Variants in CASK observed in about 807,000 individuals in gnomAD.
The protein encoded by CASK is peripheral plasma membrane protein CASK.
CASK carries 4 observed loss-of-function variants against 82.9 expected under a neutral mutation model. The observed-to-expected ratio is 0.05, with a 90% CI of 0.02 to 0.11. CASK has a LOEUF of 0.11. CASK is among the 10% of genes least tolerant of loss of function. The pLI, the probability that CASK is intolerant of heterozygous loss-of-function variation, is 1.00. For missense variants in CASK, 358 were observed against 720.9 expected, an observed-to-expected ratio of 0.50 and a Z score of 5.76; for synonymous variants, 259 against 253.5, an observed-to-expected ratio of 1.02 and a Z score of -0.20.
chrX:41,705,888 C>T (rs2067877642), intron 5 of CASK, among the ~76,000 whole-genome samples: 1 of 110,962 alleles, frequency 9.0e-6, no homozygotes, highest in Non-Finnish European at 1.9e-5. Context: ...TCTAGCACCC[C>T]GGCACCCCTC....
intron 5 of CASK, chrX:41,676,207 A>G: frequency 1.9e-5 from 22 of 1,181,522 alleles, no homozygotes; most frequent in Non-Finnish European, 2.5e-5. Context: ...GAAACAGTAC[A>G]TCATTGCAGA....
chrX:41,633,766 CTTTTT>C (rs1247479508), intron 9 of CASK, among the ~76,000 whole-genome samples: 3 of 103,132 alleles, frequency 2.9e-5, no homozygotes, highest in African/African-American at 1.1e-4. Flanking sequence ...TCTTTTTTCT[CTTTTT>C]TTTTTTGAGA....
intron 26 of CASK, among the ~76,000 whole-genome samples, chrX:41,521,666 A>C (rs748796859): frequency 8.9e-6 from 1 of 112,314 alleles, no homozygotes; most frequent in East Asian, 2.8e-4. Flanking sequence ...CCCAAAGGGC[A>C]AGTTCAACCT....
intron 9 of CASK, among the ~76,000 whole-genome samples, chrX:41,630,394 G>A (rs1447331139): frequency 9.0e-6 from 1 of 111,487 alleles, no homozygotes; most frequent in Non-Finnish European, 1.9e-5. Context: ...ACCAAAAACC[G>A]AATACTCCCT....
intron 1 of CASK, among the ~76,000 whole-genome samples, chrX:41,855,950 C>T (rs5918263): frequency 0.17 from 19,006 of 111,378 alleles, 1,444 homozygotes; most frequent in Middle Eastern, 0.31. Context: ...TGTTTTTAAG[C>T]AAAAAGGTAA....
intron 2 of CASK, among the ~76,000 whole-genome samples, chrX:41,844,838 C>G (rs1386486511): frequency 2.7e-5 from 3 of 111,433 alleles, no homozygotes; most frequent in Non-Finnish European, 5.7e-5. Context: ...AATAAACTTC[C>G]CCCTAATCAC....
intron 2 of CASK, among the ~76,000 whole-genome samples, chrX:41,811,305 AT>A (rs1230635943): frequency 8.9e-6 from 1 of 112,428 alleles, no homozygotes; most frequent in African/African-American, 3.2e-5. Flanking sequence ...CATTGCATTT[AT>A]TCCAAAACTG....
intron 5 of CASK, among the ~76,000 whole-genome samples, chrX:41,722,885 A>C (rs2068191304): frequency 8.9e-6 from 1 of 112,215 alleles, no homozygotes; most frequent in African/African-American, 3.2e-5. Flanking sequence ...TTCTTCTCTA[A>C]ATTAATTAAA....
chrX:41,791,157 T>C (rs759817648), intron 2 of CASK, among the ~76,000 whole-genome samples: 2 of 110,616 alleles, frequency 1.8e-5, no homozygotes, highest in Non-Finnish European at 3.8e-5. Flanking sequence ...AGTACATTTT[T>C]TATTTTAATT....
At chrX:41,745,632 A>G in intron 3 of CASK, 31 bp from the exon 4 acceptor site, 1 of 1,021,220 alleles carries the variant, frequency 9.8e-7, no homozygotes. Flanking sequence ...GAACATAAGA[A>G]AAGAGGAAAT....
chrX:41,696,424 C>T lies in CASK; in HGVS notation c.430-24894G>A, dbSNP rs199627426. 1.8e-5 allele frequency: 21 copies of T among 1,185,538 alleles called. No individual in the cohort carries two copies. In the African/African-American group the frequency reaches 3.7e-4, roughly 21 times the overall value. On this transcript the variant is annotated intron_variant, in intron 5 of 26. Transcript: ENST00000378163. ...CCTAATTCTGGTAAATATGCCACTA[C>T]AGCTCGTAACTCCTTTATTGTACTT...
chrX:41,554,074 G>A (rs2065132703), intron 20 of CASK, among the ~76,000 whole-genome samples, 159 bp from the exon 21 acceptor site: 2 of 112,284 alleles, frequency 1.8e-5, no homozygotes, highest in Middle Eastern at 4.6e-3. Flanking sequence ...AACTTCTACC[G>A]CTAGAAACAA....
chrX:41,842,215 T>C (rs770768924), intron 2 of CASK, among the ~76,000 whole-genome samples: 2 of 111,795 alleles, frequency 1.8e-5, no homozygotes, highest in African/African-American at 6.5e-5. Context: ...GTTAATTCAA[T>C]TTCATCAATC....
intron 5 of CASK, among the ~76,000 whole-genome samples, chrX:41,718,811 A>G (rs1158630852): frequency 8.9e-6 from 1 of 111,757 alleles, no homozygotes; most frequent in Non-Finnish European, 1.9e-5. Context: ...GCAGCACAAG[A>G]GAGAGAGAAT....
At chrX:41,536,754 T>G (rs944385856) in intron 22 of CASK, among the ~76,000 whole-genome samples, 8 of 112,122 alleles carry the variant, frequency 7.1e-5, no homozygotes, top group Admixed American at 1.9e-4. Flanking sequence ...CAAGAAATGT[T>G]TTCTGTGTTC....
At chrX:41,836,426 G>A (rs1236210386) in intron 2 of CASK, among the ~76,000 whole-genome samples, 3 of 110,875 alleles carry the variant, frequency 2.7e-5, no homozygotes, top group Non-Finnish European at 3.8e-5. Context: ...TAACAAATAC[G>A]TTTTTTAAAT....
intron 22 of CASK, among the ~76,000 whole-genome samples, chrX:41,538,793 A>C (rs1254812349): frequency 8.9e-6 from 1 of 112,025 alleles, no homozygotes; most frequent in Non-Finnish European, 1.9e-5. Context: ...TTCAAATACT[A>C]TAAAGACCTC....
At chrX:41,836,227 C>T (rs960106491) in intron 2 of CASK, among the ~76,000 whole-genome samples, 2 of 111,495 alleles carry the variant, frequency 1.8e-5, no homozygotes, top group African/African-American at 6.5e-5. Context: ...AAAAAAAAAT[C>T]TAAGGGAAAT....
chrX:41,558,554 T>C (rs1460143930), intron 18 of CASK: 1 of 111,848 alleles, frequency 8.9e-6, no homozygotes, highest in South Asian at 3.8e-4. Context: ...ATTATTTACA[T>C]AGAATGTTAA....
Sources: allele counts gnomAD v4.1 joint callset (sites outside exome capture counted in the v4.1 genomes callset), GRCh38; gene constraint gnomAD v4.1.1; transcripts MANE v1.5; gene names NCBI Gene and HGNC (gene_info 2026-07-23, HGNC 2026-07-21).